The following ADGRV1 variants were observed in gnomAD, a reference collection of about 807,000 sequenced individuals.
ADGRV1 encodes adhesion G protein-coupled receptor V1.
In ADGRV1, 359 loss-of-function variants were observed where a neutral mutation model predicts 596.2. That is an observed-to-expected ratio of 0.60 (90% CI 0.55 to 0.66). The LOEUF (loss-of-function observed/expected upper bound fraction) is 0.66. Among genes scored for constraint, ADGRV1 ranks in the 30% least tolerant of loss-of-function variants. ADGRV1 has a pLI of 0.00. For missense variants in ADGRV1, 7,274 were observed against 7,575.6 expected, an observed-to-expected ratio of 0.96 and a Z score of 1.48; for synonymous variants, 2,681 against 2,679.2, an observed-to-expected ratio of 1.00 and a Z score of -0.02.
At chr5:91,151,504 G>C (rs1365294621) in intron 88 of ADGRV1, among the ~76,000 whole-genome samples, 4 of 152,028 alleles carry the variant, frequency 2.6e-5, no homozygotes, top group African/African-American at 9.7e-5. Context: ...AATCTAGTAC[G>C]ATTTCTCTAT....
intron 79 of ADGRV1, 63 bp from the exon 80 acceptor site, chr5:90,853,221 A>G (rs1766702883): frequency 3.4e-6 from 5 of 1,459,654 alleles, no homozygotes; most frequent in African/African-American, 2.8e-5. Flanking sequence ...TTTAACAAAT[A>G]TAAGTGGATA....
At chr5:90,973,305 C>G (rs1219211271) in intron 84 of ADGRV1, among the ~76,000 whole-genome samples, 2 of 152,174 alleles carry the variant, frequency 1.3e-5, no homozygotes, top group African/African-American at 2.4e-5. Flanking sequence ...CCTTCTGAAA[C>G]TATTCCAATC....
chr5:90,697,215 T>A, intron 34 of ADGRV1, 69 bp downstream of exon 34: 1 of 1,347,706 alleles, frequency 7.4e-7, no homozygotes, highest in Non-Finnish European at 1.0e-6. Context: ...TCTAGTTCTT[T>A]AAAACTTGAT....
intron 74 of ADGRV1, among the ~76,000 whole-genome samples, chr5:90,814,255 G>T (rs1189785854): frequency 2.6e-5 from 4 of 152,128 alleles, no homozygotes; most frequent in Non-Finnish European, 5.9e-5. Context: ...CCTAATAAAG[G>T]GGCTCCACAT....
chr5:90,709,193 T>A (rs1212053701), intron 39 of ADGRV1, among the ~76,000 whole-genome samples: 4 of 152,202 alleles, frequency 2.6e-5, no homozygotes, highest in Non-Finnish European at 5.9e-5. Flanking sequence ...TATTTTCCTT[T>A]CATTTTCTTT....
chr5:90,819,336 A>G (rs963232535), intron 75 of ADGRV1, among the ~76,000 whole-genome samples: 2 of 151,130 alleles, frequency 1.3e-5, no homozygotes, highest in Non-Finnish European at 2.9e-5. Flanking sequence ...CTAGCGGTCT[A>G]TCTATTTTGT....
Position 90,675,449 on chromosome 5 carries a change from A to G in ADGRV1, c.5313+4A>G, listed in dbSNP as rs748976832. ...ATTCAGTCCTGAGGATTACCAGGTA[A>G]TTTACTCAGTCCTTTTGAAGTTGTA... is the stretch of plus-strand genomic sequence containing the variant. On this transcript the variant is annotated splice_donor_region_variant and intron_variant, in intron 24 of 89. Transcript: ENST00000405460. 6.1e-5 allele frequency: 98 copies of G among 1,610,488 alleles called. No individual in the cohort carries two copies. Among genetic ancestry groups the G allele is most frequent in the Non-Finnish European group, 7.5e-5 (88 of 1,177,808 alleles).
At chr5:90,758,768 G>A (rs1036698969) in intron 57 of ADGRV1, among the ~76,000 whole-genome samples, 1 of 152,112 alleles carries the variant, frequency 6.6e-6, no homozygotes, top group Admixed American at 6.6e-5. Context: ...CTGCAAGCTG[G>A]ATCAAGTTTT....
intron 1 of ADGRV1, among the ~76,000 whole-genome samples, chr5:90,563,370 A>G (rs1755119995): frequency 6.6e-6 from 1 of 152,256 alleles, no homozygotes; most frequent in Non-Finnish European, 1.5e-5. Flanking sequence ...TCTCCAGCAT[A>G]GTTATTGTTG....
chr5:91,107,381 T>G (rs574791634), intron 87 of ADGRV1, among the ~76,000 whole-genome samples: 1 of 152,256 alleles, frequency 6.6e-6, no homozygotes, highest in African/African-American at 2.4e-5. Context: ...ACAGAAGAGA[T>G]AGAGGGCTTC....
intron 86 of ADGRV1, among the ~76,000 whole-genome samples, chr5:91,078,170 G>A (rs1484486762): frequency 2.0e-5 from 3 of 151,946 alleles, no homozygotes; most frequent in African/African-American, 7.2e-5. Flanking sequence ...ACCTTAGAGT[G>A]AACAACAATA....
At chr5:90,797,711 G>A (rs1030293153) in intron 70 of ADGRV1, among the ~76,000 whole-genome samples, 4 of 152,228 alleles carry the variant, frequency 2.6e-5, no homozygotes, top group Middle Eastern at 3.4e-3. Flanking sequence ...TTCTAAAATT[G>A]ACCACATAAT....
At chr5:90,988,195 G>C (rs532638432) in intron 85 of ADGRV1, among the ~76,000 whole-genome samples, 2 of 152,214 alleles carry the variant, frequency 1.3e-5, no homozygotes, top group East Asian at 1.9e-4. Context: ...GGTTTTGTTT[G>C]GTTGATTTTG....
chr5:90,670,027 C>T (rs1772217330), intron 21 of ADGRV1, among the ~76,000 whole-genome samples: 1 of 152,216 alleles, frequency 6.6e-6, no homozygotes, highest in African/African-American at 2.4e-5. Flanking sequence ...TTTTACATGG[C>T]TTTAAATATC....
chr5:91,044,045 C>G (rs187453782), intron 85 of ADGRV1, among the ~76,000 whole-genome samples: 30 of 152,050 alleles, frequency 2.0e-4, no homozygotes, highest in Admixed American at 5.2e-4. Flanking sequence ...AGATACTCAA[C>G]AAATATTTGG....
intron 83 of ADGRV1, among the ~76,000 whole-genome samples, chr5:90,912,775 T>A (rs1414046221): frequency 6.6e-6 from 1 of 152,170 alleles, no homozygotes. Context: ...CTGCAAAGTA[T>A]CCCATGGTGT....
At chr5:91,064,380 C>T (rs1787703266) in intron 85 of ADGRV1, among the ~76,000 whole-genome samples, 1 of 152,126 alleles carries the variant, frequency 6.6e-6, no homozygotes, top group Non-Finnish European at 1.5e-5. Context: ...TTATTTTCCC[C>T]ATATATACAT....
intron 70 of ADGRV1, among the ~76,000 whole-genome samples, chr5:90,793,826 C>CT (rs1047827643): frequency 1.3e-5 from 2 of 152,146 alleles, no homozygotes; most frequent in African/African-American, 2.4e-5. Context: ...TAAAAACCCT[C>CT]TTTTTTGGTC....
At chr5:90,666,774 C>G (rs1249228708) in intron 21 of ADGRV1, among the ~76,000 whole-genome samples, 1 of 151,356 alleles carries the variant, frequency 6.6e-6, no homozygotes, top group Non-Finnish European at 1.5e-5. Flanking sequence ...ATGTTTAGCG[C>G]TTCCTTCAGG....
Sources: gnomAD v4.1 joint callset for allele counts (sites outside exome capture counted in the v4.1 genomes callset) on GRCh38, gnomAD v4.1.1 for gene constraint, MANE v1.5 for transcripts, NCBI Gene and HGNC (gene_info 2026-07-23, HGNC 2026-07-21) for gene names.